The following SCO2 variants were observed in gnomAD, a reference collection of about 807,000 sequenced individuals.
The protein encoded by SCO2 is cytochrome c oxidase assembly factor SCO2.
For synonymous variants in SCO2, 195 were observed against 148.6 expected (o/e 1.31, Z -2.27); for missense variants, 429 against 348.7 (o/e 1.23, Z -1.83).
upstream of SCO2, chr22:50,526,410 G>A (rs778306525): frequency 1.5e-4 from 226 of 1,512,978 alleles, 1 homozygote; most frequent in Non-Finnish European, 5.3e-5. Context: ...GTCCAGCGCC[G>A]CGGCCACCCG....
intron 1 of SCO2, among the ~76,000 whole-genome samples, chr22:50,525,029 C>T (rs1482491654): frequency 6.6e-6 from 1 of 152,232 alleles, no homozygotes. Flanking sequence ...GCAGCTCCTC[C>T]GGGCTCACAG....
At chr22:50,525,974 G>A (rs976138443), upstream of SCO2, 11 of 1,387,706 alleles carry the variant, frequency 7.9e-6, no homozygotes, top group South Asian at 3.3e-5. Flanking sequence ...GGGGGTGCGG[G>A]GCCAGCAGGG....
upstream of SCO2, chr22:50,526,158 T>C (rs1414846697): frequency 5.4e-6 from 8 of 1,475,626 alleles, no homozygotes; most frequent in South Asian, 2.6e-5. Context: ...GGAGAGGGGC[T>C]GAGAGGCGCG....
rs200354211 is a variant in SCO2, at chr22:50,523,868, G to A, written c.544C>T (p.Gln182Ter). 6 of 1,613,974 alleles carry A rather than the reference G, an allele frequency of 3.7e-6. No individual in the cohort carries two copies. The East Asian group carries it at 1.3e-4, about 36-fold the overall frequency. Residue 182 changes from glutamine to a stop codon, truncating the protein, a stop_gained, in exon 2 of 2, where the codon CAG becomes TAG. Coordinates refer to ENST00000395693, the MANE Select transcript of SCO2 (RefSeq NM_005138.3). LOFTEE classifies it low-confidence loss of function (END_TRUNC). ...DDVEAMARYV[Q>*]DFHPRLLGLT... The stretch of plus-strand genomic sequence containing the variant: ...CCCAACAGTCTTGGGTGGAAGTCCT[G>A]GACGTAGCGGGCCATGGCTTCAACG...
chr22:50,525,629 G>C, upstream of SCO2: 1 of 1,306,998 alleles, frequency 7.7e-7, no homozygotes, highest in Non-Finnish European at 1.1e-6. Context: ...CACGGGCGCA[G>C]CCGCTGACAG....
At position 50,524,194 on chromosome 22, in the gene SCO2, C is replaced by G. The variant is rs1038205427; in HGVS notation, c.218G>C (p.Gly73Ala). Residue 73 changes from glycine (G) to alanine (A), a missense_variant, in exon 2 of 2, where the codon GGG becomes GCG. Physicochemically the swap from Gly to Ala is moderately conservative, Grantham distance 60 (BLOSUM62 0). Coordinates refer to ENST00000395693, the MANE Select transcript of SCO2 (RefSeq NM_005138.3). Reference protein sequence around the residue: ...ITGLFGAGLGGAWLALRAEKE... With the variant: ...ITGLFGAGLGAAWLALRAEKE... ...CTCAGCCCTCAGGGCCAGCCAGGCCCCACCGAGTCCAGCCCCGAACAGGCC... is the reference window on the plus strand; with the variant it reads ...CTCAGCCCTCAGGGCCAGCCAGGCCGCACCGAGTCCAGCCCCGAACAGGCC... 6.2e-7 allele frequency: 1 copy of G among 1,608,856 alleles called. No individual in the cohort carries two copies. Among genetic ancestry groups the G allele is most frequent in the East Asian group, 2.2e-5 (1 of 44,880 alleles).
Position 50,524,017 on chromosome 22 carries a change from T to C in SCO2, c.395A>G (p.His132Arg), listed in dbSNP as rs143676681. ...QWVLMYFGFTHCPDICPDELE... is the reference protein window; with the variant it reads ...QWVLMYFGFTRCPDICPDELE... ...CTCGTCTGGGCAGATGTCAGGGCAG[T>C]GAGTGAAGCCAAAGTACATCAGCAC... The change falls in exon 2 of 2, where the codon CAC (histidine) becomes CGC (arginine). Residue 132 changes from histidine (H) to arginine (R), a missense_variant. Coordinates refer to ENST00000395693, the MANE Select transcript of SCO2 (RefSeq NM_005138.3). 6.2e-7 allele frequency: 1 copy of C among 1,613,320 alleles called. No homozygotes were observed. The highest frequency in any genetic ancestry group is 8.5e-7 in the Non-Finnish European group (1 of 1,179,998).
In SCO2 at chr22:50,525,448, C is replaced by T; in HGVS notation, c.-14+24G>A. 9.4e-6 allele frequency: 4 copies of T among 426,016 alleles called. No individual in the cohort carries two copies. The South Asian group carries it at 9.5e-5, about 10-fold the overall frequency. 26.4% of individuals were successfully genotyped at this position (426,016 alleles called of 1,614,324 possible). The stretch of plus-strand genomic sequence containing the variant: ...AGCGAGTCCTCAGGGCTACCTCCTC[C>T]CCTCCCAGCCCCGGCGTCCGCACCT... On this transcript the variant is annotated intron_variant, in intron 1 of 1. Coordinates refer to ENST00000395693, the MANE Select transcript of SCO2 (RefSeq NM_005138.3).
chr22:50,523,928 G>C lies in SCO2; in HGVS notation c.484C>G (p.Pro162Ala). 1 of 1,613,056 alleles carries C rather than the reference G, an allele frequency of 6.2e-7. No homozygotes were observed. Among genetic ancestry groups the C allele is most frequent in the Non-Finnish European group, 8.5e-7 (1 of 1,179,406 alleles). Residue 162 changes from proline to alanine, a missense_variant, in exon 2 of 2, where the codon CCT (proline) becomes GCT (alanine). By Grantham distance (27) the Pro-to-Ala change is conservative. Coordinates refer to ENST00000395693, the MANE Select transcript of SCO2 (RefSeq NM_005138.3). ...TCGGGGTCCACAGTGATGAAGACAG[G>C]CTGCACTGGAGGCAAACCAGGCTCT... ...EAEPGLPPVQ[P>A]VFITVDPERD...
chr22:50,525,951 G>A (rs1426570081), upstream of SCO2: 3 of 1,413,028 alleles, frequency 2.1e-6, no homozygotes, highest in African/African-American at 1.5e-5. Flanking sequence ...AGGCCGCGCG[G>A]CCGGAGCTGG....
chr22:50,523,641 G>A lies in SCO2; in HGVS notation c.771C>T (p.His257=). ...AEQISDSVRR[H]MAAFRSVLS Reference sequence around the variant, plus strand: ...ACAGGACACTGCGGAAAGCCGCCATGTGCCGCCGCACACTGTCTGAGATCT... The same window carrying A: ...ACAGGACACTGCGGAAAGCCGCCATATGCCGCCGCACACTGTCTGAGATCT... Residue 257 remains histidine, a synonymous_variant, in exon 2 of 2, where the codon CAC becomes CAT. Coordinates refer to ENST00000395693, the MANE Select transcript of SCO2 (RefSeq NM_005138.3). 1 of 1,613,822 alleles carries A rather than the reference G, an allele frequency of 6.2e-7. No individual in the cohort carries two copies. Among genetic ancestry groups the A allele is most frequent in the Non-Finnish European group, 8.5e-7 (1 of 1,180,032 alleles).
Position 50,524,256 on chromosome 22 carries a change from G to A in SCO2, c.156C>T (p.Pro52=). The change falls in exon 2 of 2, where the codon CCC becomes CCT. Residue 52 remains proline, a synonymous_variant. Transcript: ENST00000395693. Reference sequence around the variant, plus strand: ...GCCGGGTTCGAAGCCCAGGGCCCTGGGGCTGGCCCTGCCCACCTGTCTCTG... The same window carrying A: ...GCCGGGTTCGAAGCCCAGGGCCCTGAGGCTGGCCCTGCCCACCTGTCTCTG... ...GPAETGGQGQ[P]QGPGLRTRLL... is the part of the protein sequence containing the mutation. The A allele has an allele frequency of 6.2e-7, 1 of 1,605,306 alleles. No individual in the cohort carries two copies. Among genetic ancestry groups the A allele is most frequent in the South Asian group, 1.1e-5 (1 of 91,048 alleles).
chr22:50,523,728 G>C lies in SCO2; in HGVS notation c.684C>G (p.Ile228Met). Residue 228 changes from isoleucine to methionine, a missense_variant, in exon 2 of 2, where the codon ATC (isoleucine) becomes ATG (methionine). By Grantham distance (10) the Ile-to-Met change is conservative (BLOSUM62 1). Coordinates refer to ENST00000395693, the MANE Select transcript of SCO2 (RefSeq NM_005138.3). ...QDYIVDHSIAIYLLNPDGLFT... is the reference protein window; with the variant it reads ...QDYIVDHSIAMYLLNPDGLFT... Reference sequence around the variant, plus strand: ...AGAGGCCGTCAGGGTTGAGCAGGTAGATGGCAATGGAGTGGTCCACGATGT... The same window carrying C: ...AGAGGCCGTCAGGGTTGAGCAGGTACATGGCAATGGAGTGGTCCACGATGT... 6.2e-7 allele frequency: 1 copy of C among 1,614,220 alleles called. No homozygotes were observed. Among genetic ancestry groups the C allele is most frequent in the Non-Finnish European group, 8.5e-7 (1 of 1,180,026 alleles).
upstream of SCO2, chr22:50,525,768 C>T: frequency 1.2e-6 from 2 of 1,610,740 alleles, no homozygotes; most frequent in African/African-American, 1.3e-5. Flanking sequence ...GGCAAAGGAG[C>T]TTTATTGCTG....
At chr22:50,525,959 TGGGCGGGGGTGCGGGGCCAGCA>T, upstream of SCO2, 4 of 1,361,410 alleles carry the variant, frequency 2.9e-6, no homozygotes, top group Non-Finnish European at 3.8e-6. Flanking sequence ...CGGCCGGAGC[TGGGCGGGGGTGCGGGGCCAGCA>T]GGGCGGGGGC....
chr22:50,525,961 G>GGCGGGGGT, upstream of SCO2: 1 of 1,395,322 alleles, frequency 7.2e-7, no homozygotes, highest in Non-Finnish European at 9.2e-7. Context: ...GCCGGAGCTG[G>GGCGGGGGT]GCGGGGGTGC....
At chr22:50,525,969 T>G, upstream of SCO2, 1 of 1,372,780 alleles carries the variant, frequency 7.3e-7, no homozygotes. Context: ...TGGGCGGGGG[T>G]GCGGGGCCAG....
chr22:50,525,522 C>T lies in SCO2; in HGVS notation c.-64G>A, dbSNP rs922127722. On this transcript the variant is annotated 5_prime_UTR_variant, in exon 1 of 2. Coordinates refer to ENST00000395693, the MANE Select transcript of SCO2 (RefSeq NM_005138.3). ...GACCAAGCACGAGAGGAAGCGCCGA[C>T]CTCCAGCTCCCTGCGCTCTGCCCCG... The T allele has an allele frequency of 1.3e-4, 76 of 576,694 alleles. 1 individual carries two copies. In the South Asian group the frequency reaches 1.4e-3, roughly 11 times the overall value. The allele number at this position is 576,694 out of a possible 1,614,324, so 35.7% of individuals were successfully genotyped here. A position where few individuals can be genotyped will look rare whatever the true frequency, so the allele number is the denominator to read the frequency against.
chr22:50,524,191 GC>G lies in SCO2; in HGVS notation c.220del (p.Ala74ProfsTer5). Reference protein sequence around the residue: ...TGLFGAGLGGAWLALRAEKER... With the variant: ...TGLFGAGLGGXWLALRAEKER... ...CTTCTCAGCCCTCAGGGCCAGCCAG[GC>G]CCCACCGAGTCCAGCCCCGAACAGG... On this transcript the variant is annotated frameshift_variant, in exon 2 of 2. Coordinates refer to ENST00000395693, the MANE Select transcript of SCO2 (RefSeq NM_005138.3). LOFTEE classifies it low-confidence loss of function (END_TRUNC). 1 of 1,608,770 alleles carries G rather than the reference GC, an allele frequency of 6.2e-7. No individual in the cohort carries two copies. Among genetic ancestry groups the G allele is most frequent in the Non-Finnish European group, 8.5e-7 (1 of 1,179,916 alleles).
Sources: gnomAD v4.1 joint callset for allele counts (sites outside exome capture counted in the v4.1 genomes callset) on GRCh38, gnomAD v4.1.1 for gene constraint, MANE v1.5 for transcripts, NCBI Gene and HGNC (gene_info 2026-07-23, HGNC 2026-07-21) for gene names.